Variants in ZNF395 observed in about 807,000 individuals in gnomAD.
ZNF395 encodes the protein zinc finger protein 395.
A neutral mutation model predicts 57.7 loss-of-function variants in ZNF395; 20 were observed. The observed-to-expected ratio is 0.35, with a 90% CI of 0.24 to 0.50. The LOEUF is 0.50. ZNF395 is among the 20% of genes least tolerant of loss of function. ZNF395 has a pLI of 0.97. For synonymous variants in ZNF395, 295 were observed against 275.9 expected, an observed-to-expected ratio of 1.07 and a Z score of -0.69; for missense variants, 606 against 671.2, an observed-to-expected ratio of 0.90 and a Z score of 1.07.
intron 1 of ZNF395, among the ~76,000 whole-genome samples, chr8:28,370,104 G>C (rs1290362234): frequency 6.6e-6 from 1 of 152,086 alleles, no homozygotes; most frequent in African/African-American, 2.4e-5. Flanking sequence ...TTAAAAAGGG[G>C]GTTTTTAGAA....
chr8:28,368,964 T>C (rs976993249), intron 1 of ZNF395, among the ~76,000 whole-genome samples: 2 of 152,006 alleles, frequency 1.3e-5, no homozygotes, highest in Non-Finnish European at 2.9e-5. Flanking sequence ...GCCTCCCAAG[T>C]AGCTGGGATT....
intron 3 of ZNF395, among the ~76,000 whole-genome samples, chr8:28,357,185 A>G (rs1186171228): frequency 6.6e-6 from 1 of 152,230 alleles, no homozygotes; most frequent in Admixed American, 6.5e-5. Context: ...AAAGATGCCC[A>G]CTGGAATTCA....
chr8:28,384,436 C>G (rs887911488), intron 1 of ZNF395, among the ~76,000 whole-genome samples: 1 of 152,228 alleles, frequency 6.6e-6, no homozygotes, highest in African/African-American at 2.4e-5. Context: ...CCACAACTCC[C>G]TTCTCTGACT....
chr8:28,349,782 G>A (rs1801656226), intron 8 of ZNF395, among the ~76,000 whole-genome samples: 1 of 152,220 alleles, frequency 6.6e-6, no homozygotes, highest in African/African-American at 2.4e-5. Flanking sequence ...TGGGGCAACT[G>A]ACCCCAGCCT....
At chr8:28,357,261 A>G (rs1169403498) in intron 3 of ZNF395, among the ~76,000 whole-genome samples, 1 of 152,172 alleles carries the variant, frequency 6.6e-6, no homozygotes, top group Non-Finnish European at 1.5e-5. Context: ...ATTATACACT[A>G]ACCACCTTCT....
chr8:28,351,794 A>C lies in ZNF395; in HGVS notation c.934T>G (p.Ser312Ala). The change falls in exon 7 of 10, where the codon TCT becomes GCT. Residue 312 changes from serine (S) to alanine (A), a missense_variant. Physicochemically the swap from Ser to Ala is moderately conservative, Grantham distance 99. This residue lies in a region of ZNF395 where 261 missense variants were observed against 240.3 expected (regional missense o/e 1.09). Coordinates refer to ENST00000344423, the MANE Select transcript of ZNF395 (RefSeq NM_018660.3). ...TCCTCCTCCCGCTTGAACTGATCAG[A>C]GTCCACTGTGTCCCTGTGTGGGAGG... ...KALHLGDTVD[S>A]DQFKREEDFY... 6.4e-7 allele frequency: 1 copy of C among 1,556,672 alleles called. No individual in the cohort carries two copies. The highest frequency in any genetic ancestry group is 1.3e-5 in the African/African-American group (1 of 74,384).
intron 1 of ZNF395, among the ~76,000 whole-genome samples, chr8:28,362,184 G>A (rs1801858136): frequency 6.6e-6 from 1 of 152,092 alleles, no homozygotes. Context: ...GACTTGTTCA[G>A]ATGGCAAAGG....
chr8:28,351,329 C>T (rs915150922), intron 7 of ZNF395, 166 bp downstream of exon 7: 14 of 687,162 alleles, frequency 2.0e-5, no homozygotes, highest in Non-Finnish European at 2.8e-5. Context: ...GGAATTCCCA[C>T]ATTTATTGAG....
At chr8:28,360,798 G>A in intron 2 of ZNF395, 87 bp downstream of exon 2, 2 of 1,539,724 alleles carry the variant, frequency 1.3e-6, no homozygotes, top group Non-Finnish European at 1.7e-6. Context: ...GGTGCCCAGA[G>A]AGTTTCCGGC....
chr8:28,353,041 T>C (rs1801736506), intron 5 of ZNF395, 132 bp downstream of exon 5: 5 of 781,940 alleles, frequency 6.4e-6, no homozygotes, highest in Non-Finnish European at 1.1e-5. Context: ...GAAGCAGCAA[T>C]AAAAAACCGA....
rs749702771 is a variant in ZNF395, at chr8:28,352,619, G to A, written c.874C>T (p.Arg292Cys). 9 of 1,614,178 alleles carry A rather than the reference G, an allele frequency of 5.6e-6. No individual in the cohort carries two copies. The highest frequency in any genetic ancestry group is 7.6e-6 in the Non-Finnish European group (9 of 1,180,030). The part of the protein sequence containing the change: ...CLWPNCGKVL[R>C]SIVGIKRHVK... ...TGTCGTTTGATGCCCACAATGGAGC[G>A]CAGAACTTTGCCACAGTTTGGCCAC... The change falls in exon 6 of 10, where the codon CGC becomes TGC. Residue 292 changes from arginine (R) to cysteine (C), a missense_variant. This residue lies in a region of ZNF395 where 261 missense variants were observed against 240.3 expected (regional missense o/e 1.09). Transcript: ENST00000344423. The surrounding 1 kb of genome is among the most constrained non-coding windows in gnomAD (Gnocchi z 4.0).
rs185501440 is a variant in ZNF395 at position 28,369,056 on chromosome 8, G to A, written c.-58-7874C>T. On this transcript the variant is annotated intron_variant, in intron 1 of 9. Coordinates refer to ENST00000344423, the MANE Select transcript of ZNF395 (RefSeq NM_018660.3). ...TCACCAAGTTGGCCAGGCTGGTCTC[G>A]AACTCCTGGCTTCAAGTGATCTGCC... Among the ~76,000 whole-genome samples the A allele has an allele frequency of 4.0e-5, 6 of 151,560 alleles. No individual in the cohort carries two copies. The East Asian group carries it at 1.2e-3, about 29-fold the overall frequency.
chr8:28,380,883 T>C (rs185222250), intron 1 of ZNF395, among the ~76,000 whole-genome samples: 1 of 152,346 alleles, frequency 6.6e-6, no homozygotes, highest in Admixed American at 6.5e-5. Context: ...GGTCTCACTG[T>C]TGCCCAGGCT....
intron 1 of ZNF395, among the ~76,000 whole-genome samples, chr8:28,378,307 C>A (rs1802068574): frequency 6.6e-6 from 1 of 152,202 alleles, no homozygotes; most frequent in South Asian, 2.1e-4. Flanking sequence ...GCTCACTGCT[C>A]CTGGCTCACT....
In ZNF395 at chr8:28,349,219, G is replaced by A. The variant is rs764292183; in HGVS notation, c.1336C>T (p.Arg446Trp). The change falls in exon 9 of 10, where the codon CGG becomes TGG. Residue 446 changes from arginine to tryptophan, a missense_variant. Transcript: ENST00000344423. ...TGGGGCTCGCTGAAGCTTAGCGACC[G>A]GCTCCGGACCTGGGCGTGGGGAGAG... ...AACSLSPVRS[R>W]SLSFSEPQQP... The A allele has an allele frequency of 1.4e-5, 22 of 1,546,502 alleles. No individual in the cohort carries two copies. Among genetic ancestry groups the A allele is most frequent in the Non-Finnish European group, 1.7e-5 (20 of 1,147,014 alleles).
chr8:28,352,770 C>A lies in ZNF395; in HGVS notation c.820-97G>T. The A allele has an allele frequency of 9.6e-7, 1 of 1,043,666 alleles. No homozygotes were observed. 64.7% of individuals were successfully genotyped at this position (1,043,666 alleles called of 1,614,324 possible). A position where few individuals can be genotyped will look rare whatever the true frequency, so the allele number is the denominator to read the frequency against. On this transcript the variant is annotated intron_variant, in intron 5 of 9. Transcript: ENST00000344423. The surrounding 1 kb of genome is among the most constrained non-coding windows in gnomAD (Gnocchi z 4.0). ...GACTCAAACTGGCTGCTGTCCCCGG[C>A]CTGACCCAACAAAAACCTCCAGGAA...
chr8:28,369,202 A>G (rs1801948032), intron 1 of ZNF395, among the ~76,000 whole-genome samples: 1 of 150,178 alleles, frequency 6.7e-6, no homozygotes, highest in Admixed American at 6.7e-5. Flanking sequence ...CTCAAAAGTC[A>G]TTTGAATGGA....
intron 7 of ZNF395, 116 bp from the exon 8 acceptor site, chr8:28,350,272 G>C: frequency 1.2e-6 from 1 of 842,234 alleles, no homozygotes; most frequent in East Asian, 2.8e-5. Flanking sequence ...TAAGTGCAAT[G>C]ACCAGAAAGA....
intron 1 of ZNF395, among the ~76,000 whole-genome samples, chr8:28,366,604 C>T (rs1383386043): frequency 6.6e-6 from 1 of 152,188 alleles, no homozygotes; most frequent in Non-Finnish European, 1.5e-5. Flanking sequence ...TCATTTTCAG[C>T]AATTCTTAGC....
Sources: allele counts gnomAD v4.1 joint callset (sites outside exome capture counted in the v4.1 genomes callset), GRCh38; gene constraint gnomAD v4.1.1; regional missense constraint gnomAD v4.1.1; non-coding constraint Gnocchi (gnomAD v3.1); transcripts MANE v1.5; gene names NCBI Gene and HGNC (gene_info 2026-07-23, HGNC 2026-07-21).